The following RBFOX1 variants were observed in gnomAD, a reference collection of about 807,000 sequenced individuals.
RBFOX1 encodes the protein RNA binding fox-1 homolog 1, also known as RNA binding protein fox-1 homolog 1.
Under a neutral mutation model 57.7 loss-of-function variants are expected in RBFOX1, and 8 were observed. That is an observed-to-expected ratio of 0.14 (90% CI 0.08 to 0.25). The LOEUF (loss-of-function observed/expected upper bound fraction) is 0.25, where lower values mean the gene tolerates loss of function less well. RBFOX1 is among the 10% of genes least tolerant of loss of function. The pLI is 1.00. For synonymous variants in RBFOX1, 326 were observed against 222.4 expected, an observed-to-expected ratio of 1.47 and a Z score of -4.15; for missense variants, 611 against 548.5, an observed-to-expected ratio of 1.11 and a Z score of -1.14.
chr16:7,348,315 T>G (rs887038480), intron 4 of RBFOX1, among the ~76,000 whole-genome samples: 1 of 152,220 alleles, frequency 6.6e-6, no homozygotes, highest in Non-Finnish European at 1.5e-5. Context: ...TCTTATCTAC[T>G]CTCATCGTAT....
intron 2 of RBFOX1, among the ~76,000 whole-genome samples, chr16:6,325,826 T>TA (rs1247745084): frequency 6.6e-6 from 1 of 152,258 alleles, no homozygotes; most frequent in Non-Finnish European, 1.5e-5. Context: ...TTTATTTTCC[T>TA]AAAATATATG....
intron 14 of RBFOX1, among the ~76,000 whole-genome samples, chr16:7,702,780 G>A (rs1300971291): frequency 6.6e-6 from 1 of 152,212 alleles, no homozygotes; most frequent in Non-Finnish European, 1.5e-5. Context: ...ATGGGCAAAA[G>A]CAACAACTCA....
At chr16:5,813,951 G>A (rs556378263) in intron 3 of RBFOX1, among the ~76,000 whole-genome samples, 2 of 152,274 alleles carry the variant, frequency 1.3e-5, no homozygotes, top group East Asian at 1.9e-4. Flanking sequence ...ACTAACTTAC[G>A]TTATTATGGC....
chr16:7,421,503 G>A (rs1252686091), intron 4 of RBFOX1, among the ~76,000 whole-genome samples: 1 of 152,176 alleles, frequency 6.6e-6, no homozygotes, highest in Non-Finnish European at 1.5e-5. Flanking sequence ...ACATTTCCCA[G>A]GCACAGCCAG....
rs532432521 is a variant in RBFOX1, at chr16:6,898,898, CTCGTATG to C, written c.-15-153157_-15-153151del. 7.9e-3 allele frequency among the ~76,000 whole-genome samples: 817 copies of C among 102,842 alleles called. 6 individuals carry two copies. The highest frequency in any genetic ancestry group is 0.035 in the African/African-American group (738 of 21,296). 67.5% of individuals were successfully genotyped at this position (102,842 alleles called of 152,430 possible). ...ACACGTGTATAATACGTGTGTGCAT[CTCGTATG>C]TGTTTGTGCATATGTGTATATGTGT... On this transcript the variant is annotated intron_variant, in intron 3 of 15. Transcript: ENST00000550418.
At chr16:7,021,881 C>CTGTTTCTTTCTTTCTTT (rs2039242340) in intron 3 of RBFOX1, among the ~76,000 whole-genome samples, 1 of 122,180 alleles carries the variant, frequency 8.2e-6, no homozygotes, top group African/African-American at 3.8e-5. Flanking sequence ...TTCTTTCTCT[C>CTGTTTCTTTCTTTCTTT]TCTTTCTTTC....
At chr16:7,473,618 A>G (rs1432125561) in intron 4 of RBFOX1, among the ~76,000 whole-genome samples, 2 of 151,726 alleles carry the variant, frequency 1.3e-5, no homozygotes, top group Non-Finnish European at 2.9e-5. Context: ...TTACAGGAGC[A>G]GCTCCTCAAA....
At chr16:7,059,380 G>C (rs1258610699) in intron 4 of RBFOX1, among the ~76,000 whole-genome samples, 5 of 152,154 alleles carry the variant, frequency 3.3e-5, no homozygotes, top group Admixed American at 2.6e-4. Flanking sequence ...CTTCTGTTCA[G>C]TTATTTATTC....
At chr16:6,953,022 C>T (rs562354009) in intron 3 of RBFOX1, among the ~76,000 whole-genome samples, 33 of 152,156 alleles carry the variant, frequency 2.2e-4, no homozygotes, top group African/African-American at 7.2e-4. Context: ...TTTACCTCAC[C>T]TGGCAATGTA....
intron 3 of RBFOX1, among the ~76,000 whole-genome samples, chr16:6,678,905 T>C (rs762886673): frequency 1.8e-4 from 27 of 152,150 alleles, no homozygotes; most frequent in Non-Finnish European, 3.5e-4. Flanking sequence ...CCACCCTTCT[T>C]ACATGAAGCC....
chr16:6,846,364 C>T (rs2093754887), intron 3 of RBFOX1, among the ~76,000 whole-genome samples: 2 of 152,174 alleles, frequency 1.3e-5, no homozygotes, highest in Non-Finnish European at 1.5e-5. Flanking sequence ...AGGGTGGCTT[C>T]CCAACAGCAA....
intron 3 of RBFOX1, among the ~76,000 whole-genome samples, chr16:5,683,472 A>G (rs144258031): frequency 6.6e-4 from 101 of 151,914 alleles, no homozygotes; most frequent in Non-Finnish European, 1.3e-3. Context: ...TGGGCTGGGA[A>G]CGCAGATCCA....
At chr16:7,427,156 C>G (rs78241020) in intron 4 of RBFOX1, among the ~76,000 whole-genome samples, 6 of 152,046 alleles carry the variant, frequency 3.9e-5, no homozygotes, top group Non-Finnish European at 8.8e-5. Context: ...AGGAGAAATA[C>G]CTAATGTAAA....
At chr16:6,862,602 A>C (rs1384584981) in intron 3 of RBFOX1, among the ~76,000 whole-genome samples, 4 of 152,336 alleles carry the variant, frequency 2.6e-5, no homozygotes, top group African/African-American at 9.6e-5. Context: ...TTACAGGCAG[A>C]GGAAGTGACA....
At chr16:6,435,285 T>C (rs79829158) in intron 2 of RBFOX1, among the ~76,000 whole-genome samples, 9,398 of 152,148 alleles carry the variant, frequency 0.062, 1,020 homozygotes, top group African/African-American at 0.21. Context: ...TTATTGTTGT[T>C]ATTGTTGTTG....
At chr16:5,589,320 G>A (rs1177628415) in intron 2 of RBFOX1, among the ~76,000 whole-genome samples, 1 of 152,152 alleles carries the variant, frequency 6.6e-6, no homozygotes, top group African/African-American at 2.4e-5. Context: ...TTTGCCTGAG[G>A]CTCAGGGGTC....
intron 1 of RBFOX1, among the ~76,000 whole-genome samples, chr16:5,317,159 T>A (rs1395272413): frequency 6.6e-6 from 1 of 152,178 alleles, no homozygotes; most frequent in Admixed American, 6.5e-5. Context: ...TCAGCCTTTA[T>A]AAATGAGTGA....
chr16:5,878,099 C>G (rs917440451), intron 4 of RBFOX1, among the ~76,000 whole-genome samples: 1 of 152,096 alleles, frequency 6.6e-6, no homozygotes, highest in Non-Finnish European at 1.5e-5. Context: ...TGAAAAATAG[C>G]AAAGAGATTG....
chr16:7,017,954 G>A (rs1037887234), intron 3 of RBFOX1, among the ~76,000 whole-genome samples: 8 of 152,166 alleles, frequency 5.3e-5, no homozygotes, highest in Non-Finnish European at 1.2e-4. Flanking sequence ...GTGTGAATTA[G>A]GTGTGCCCCC....
Sources: allele counts gnomAD v4.1 joint callset (sites outside exome capture counted in the v4.1 genomes callset), GRCh38; gene constraint gnomAD v4.1.1; transcripts MANE v1.5; gene names NCBI Gene and HGNC (gene_info 2026-07-23, HGNC 2026-07-21).